Variants in TRPA1 observed in about 807,000 individuals in gnomAD.
The protein encoded by TRPA1 is ankyrin-like with transmembrane domains 1.
In TRPA1, 129 loss-of-function variants were observed where a neutral mutation model predicts 131.3. The ratio of observed to expected loss-of-function variants is 0.98; its 90% confidence interval spans 0.85 to 1.14. The LOEUF is 1.14. TRPA1 is among the 50% of genes most tolerant of loss of function. The pLI, the probability that TRPA1 is intolerant of heterozygous loss-of-function variation, is 0.00. For missense variants in TRPA1, 1,304 were observed against 1,354.2 expected (o/e 0.96, Z 0.58); for synonymous variants, 441 against 451.7 (o/e 0.98, Z 0.30).
intron 23 of TRPA1, among the ~76,000 whole-genome samples, chr8:72,030,323 C>A (rs1487349080): frequency 6.6e-6 from 1 of 152,164 alleles, no homozygotes; most frequent in Non-Finnish European, 1.5e-5. Flanking sequence ...AAAGGCCCCA[C>A]CTTCTAATGC....
At chr8:72,050,749 C>T in intron 15 of TRPA1, 29 bp downstream of exon 15, 2 of 1,428,748 alleles carry the variant, frequency 1.4e-6, no homozygotes, top group South Asian at 1.1e-5. Context: ...AGCATAAACC[C>T]GGGAAGAATT....
At chr8:72,029,813 A>G in intron 24 of TRPA1, 88 bp downstream of exon 24, 2 of 1,252,190 alleles carry the variant, frequency 1.6e-6, no homozygotes, top group Non-Finnish European at 2.3e-6. Flanking sequence ...TTCCTACAAA[A>G]TGCCCATTTT....
At chr8:72,027,784 G>A (rs1294788079) in intron 24 of TRPA1, among the ~76,000 whole-genome samples, 1 of 152,138 alleles carries the variant, frequency 6.6e-6, no homozygotes, top group African/African-American at 2.4e-5. Flanking sequence ...AAACAACTCA[G>A]GAGAAGTAGG....
At chr8:72,064,658 T>C (rs1381761804) in intron 4 of TRPA1, among the ~76,000 whole-genome samples, 1 of 152,156 alleles carries the variant, frequency 6.6e-6, no homozygotes, top group Non-Finnish European at 1.5e-5. Context: ...AGGTAAATAT[T>C]TTTAAATTAT....
In TRPA1 at chr8:72,061,737, A is replaced by C. The variant is rs1805812780; in HGVS notation, c.832T>G (p.Phe278Val). 6.2e-7 allele frequency: 1 copy of C among 1,613,930 alleles called. No homozygotes were observed. Among genetic ancestry groups the C allele is most frequent in the South Asian group, 1.1e-5 (1 of 91,088 alleles). Reference sequence around the variant, plus strand: ...TCAGTGGCTCCCTGGGTGGCAGCAAAATGAATGGCTGTGCACCTTCCCTTC... The same window carrying C: ...TCAGTGGCTCCCTGGGTGGCAGCAACATGAATGGCTGTGCACCTTCCCTTC... Reference protein sequence around the residue: ...VEKGRCTAIHFAATQGATEIV... With the variant: ...VEKGRCTAIHVAATQGATEIV... Residue 278 changes from phenylalanine to valine, a missense_variant, in exon 7 of 27, where the codon TTT becomes GTT. Coordinates refer to ENST00000262209, the MANE Select transcript of TRPA1 (RefSeq NM_007332.3).
chr8:72,033,844 G>A lies in TRPA1; in HGVS notation c.2686-18C>T, dbSNP rs2129433343. ...AAGGGATCCTGAAAGCAGACGGTGA[G>A]GTACAAATGAAATGCAAAGTTTCTA... On this transcript the variant is annotated intron_variant, in intron 22 of 26. Coordinates refer to ENST00000262209, the MANE Select transcript of TRPA1 (RefSeq NM_007332.3). The A allele has an allele frequency of 1.2e-6, 2 of 1,611,718 alleles. No homozygotes were observed. The highest frequency in any genetic ancestry group is 2.2e-5 in the South Asian group (2 of 90,956).
rs1480624776 is a variant in TRPA1, at chr8:72,033,775, G to C, written c.2737C>G (p.Leu913Val). The change falls in exon 23 of 27, where the codon CTA (leucine) becomes GTA (valine). Residue 913 changes from leucine (L) to valine (V), a missense_variant. Physicochemically the swap from Leu to Val is conservative, Grantham distance 32. Coordinates refer to ENST00000262209, the MANE Select transcript of TRPA1 (RefSeq NM_007332.3). The stretch of plus-strand genomic sequence containing the variant: ...GACTCTCGATAATTGATATCTCCTA[G>C]CATCATGCTGAAGGTCTGGATTATA... ...LSIIQTFSMM[L>V]GDINYRESFL... 1 of 1,614,006 alleles carries C rather than the reference G, an allele frequency of 6.2e-7. No individual in the cohort carries two copies. Among genetic ancestry groups the C allele is most frequent in the South Asian group, 1.1e-5 (1 of 91,068 alleles).
chr8:72,082,251 C>T, the TRPA1 span, among the ~76,000 whole-genome samples: 1 of 151,992 alleles, frequency 6.6e-6, no homozygotes, highest in South Asian at 2.1e-4. Context: ...CAATGTATCA[C>T]AATTTCCTCT....
At chr8:72,075,182 C>A (rs1806144864) in intron 1 of TRPA1, 117 bp downstream of exon 1, 4 of 801,666 alleles carry the variant, frequency 5.0e-6, no homozygotes, top group South Asian at 4.1e-5. Flanking sequence ...TGTGCACACA[C>A]CCCAAAGCTT....
intron 2 of TRPA1, 69 bp from the exon 3 acceptor site, chr8:72,069,267 T>C: frequency 6.7e-7 from 1 of 1,486,488 alleles, no homozygotes; most frequent in South Asian, 1.1e-5. Flanking sequence ...TGAGTGCCTA[T>C]ACACTATAAA....
upstream of TRPA1, among the ~76,000 whole-genome samples, chr8:72,080,017 T>C (rs528363807): frequency 2.0e-5 from 3 of 152,124 alleles, no homozygotes; most frequent in East Asian, 1.9e-4. Flanking sequence ...TCTACAGTAT[T>C]ACTAACTTTG....
chr8:72,063,941 C>G (rs918776682), intron 4 of TRPA1, among the ~76,000 whole-genome samples: 1 of 152,000 alleles, frequency 6.6e-6, no homozygotes, highest in Admixed American at 6.6e-5. Context: ...ATTCTTTTCC[C>G]TTTATTTATG....
chr8:72,075,604 G>T, upstream of TRPA1: 1 of 601,046 alleles, frequency 1.7e-6, no homozygotes, highest in Non-Finnish European at 3.0e-6. Context: ...TCAGGCCCGC[G>T]CTACTTTTGT....
upstream of TRPA1, among the ~76,000 whole-genome samples, chr8:72,077,198 A>T (rs982925657): frequency 1.3e-5 from 2 of 151,304 alleles, no homozygotes; most frequent in Non-Finnish European, 2.9e-5. Context: ...GGATGTTCGA[A>T]GTGATCATTT....
At chr8:72,027,582 C>T (rs1211895734) in intron 24 of TRPA1, among the ~76,000 whole-genome samples, 1 of 152,186 alleles carries the variant, frequency 6.6e-6, no homozygotes, top group Non-Finnish European at 1.5e-5. Context: ...CCCTGAAGAA[C>T]TGACAGTCCC....
chr8:72,022,838 T>G lies in TRPA1; in HGVS notation c.*68A>C. The G allele has an allele frequency of 7.0e-7, 1 of 1,431,630 alleles. No homozygotes were observed. Among genetic ancestry groups the G allele is most frequent in the Non-Finnish European group, 9.8e-7 (1 of 1,019,186 alleles). 88.7% of individuals were successfully genotyped at this position (1,431,630 alleles called of 1,614,324 possible). On this transcript the variant is annotated 3_prime_UTR_variant, in exon 27 of 27. Coordinates refer to ENST00000262209, the MANE Select transcript of TRPA1 (RefSeq NM_007332.3). ...TCATTCTGCTTCTTCCTCACTCTTT[T>G]TAAATTGAAAGTTAGAACCAGCAAG...
intron 7 of TRPA1, among the ~76,000 whole-genome samples, chr8:72,060,759 T>C (rs1408789771): frequency 6.6e-6 from 1 of 152,132 alleles, no homozygotes; most frequent in African/African-American, 2.4e-5. Flanking sequence ...GCAAATTCAT[T>C]CTAAGAGGGA....
At chr8:72,080,131 T>A (rs1473169315), upstream of TRPA1, among the ~76,000 whole-genome samples, 1 of 151,878 alleles carries the variant, frequency 6.6e-6, no homozygotes, top group Non-Finnish European at 1.5e-5. Context: ...TTGTATGCCT[T>A]TAATTTTTTT....
chr8:72,068,995 G>A (rs1805993116), intron 3 of TRPA1, 28 bp downstream of exon 3: 1 of 1,613,802 alleles, frequency 6.2e-7, no homozygotes, highest in African/African-American at 1.3e-5. Flanking sequence ...CGCCGGTCAG[G>A]CCCTTTGGAG....
Sources: allele counts gnomAD v4.1 joint callset (sites outside exome capture counted in the v4.1 genomes callset), GRCh38; gene constraint gnomAD v4.1.1; transcripts MANE v1.5; gene names NCBI Gene and HGNC (gene_info 2026-07-23, HGNC 2026-07-21).